GLCCI1: variants seen among roughly 807,000 people sequenced by gnomAD.
GLCCI1 encodes glucocorticoid induced 1, also known as glucocorticoid-induced transcript 1 protein.
Under a neutral mutation model 52.2 loss-of-function variants are expected in GLCCI1, and 24 were observed. The ratio of observed to expected loss-of-function variants is 0.46; its 90% CI spans 0.33 to 0.65. GLCCI1 has a LOEUF of 0.65. Ranked by LOEUF, GLCCI1 falls within the 30% of genes least tolerant of loss-of-function variation. The probability of loss-of-function intolerance (pLI) is 0.02; values close to 1 mark genes in which losing one functional copy is unlikely to be tolerated. For missense variants in GLCCI1, 704 were observed against 701.5 expected (o/e 1.00, Z -0.04); for synonymous variants, 310 against 276.5 (o/e 1.12, Z -1.20).
intron 2 of GLCCI1, among the ~76,000 whole-genome samples, chr7:8,017,698 C>T (rs1313655721): frequency 2.0e-5 from 3 of 151,988 alleles, no homozygotes; most frequent in Admixed American, 2.0e-4. Context: ...TAAAAAAAAA[C>T]CTTCCGACTT....
rs190572846 is a variant in GLCCI1 at position 7,983,763 on chromosome 7, G to C, written c.457+13956G>C. ...AGGTTAAAACTAATAGATTATATTT[G>C]TGTTGCCCATTTTGTAAAAATGCCT... On this transcript the variant is annotated intron_variant, in intron 1 of 7. Coordinates refer to ENST00000223145, the MANE Select transcript of GLCCI1 (RefSeq NM_138426.4). Among the ~76,000 whole-genome samples the C allele has an allele frequency of 4.6e-4, 70 of 152,294 alleles. 1 individual carries two copies. Among genetic ancestry groups the C allele is most frequent in the African/African-American group, 1.6e-3 (68 of 41,544 alleles).
intron 1 of GLCCI1, among the ~76,000 whole-genome samples, chr7:7,971,474 G>A (rs899543878): frequency 6.6e-6 from 1 of 152,174 alleles, no homozygotes; most frequent in African/African-American, 2.4e-5. Context: ...TGAGTTTTGG[G>A]ATTTTCTTGT....
At chr7:8,040,009 AAAAAG>A (rs956417493) in intron 3 of GLCCI1, among the ~76,000 whole-genome samples, 2 of 151,586 alleles carry the variant, frequency 1.3e-5, no homozygotes, top group Admixed American at 1.3e-4. Context: ...AAAAAAAAAA[AAAAAG>A]AAGAAGCCCA....
At chr7:8,068,818 T>G (rs927356697) in intron 5 of GLCCI1, among the ~76,000 whole-genome samples, 2 of 152,176 alleles carry the variant, frequency 1.3e-5, no homozygotes, top group Non-Finnish European at 2.9e-5. Context: ...TTTCGGGATG[T>G]TTTTAGAGTC....
chr7:8,002,443 GTA>G (rs1781068387), intron 1 of GLCCI1, among the ~76,000 whole-genome samples: 1 of 152,136 alleles, frequency 6.6e-6, no homozygotes, highest in African/African-American at 2.4e-5. Flanking sequence ...TCTGCCTTCA[GTA>G]TAATACAATT....
intron 1 of GLCCI1, among the ~76,000 whole-genome samples, chr7:7,993,581 C>T (rs934332334): frequency 4.6e-5 from 7 of 152,106 alleles, no homozygotes; most frequent in South Asian, 2.1e-4. Context: ...TTACATTTAC[C>T]CATTAGTGAA....
Position 8,022,589 on chromosome 7 carries a change from C to T in GLCCI1, c.696+20C>T, listed in dbSNP as rs574759339. 23 of 1,493,836 alleles carry T rather than the reference C, an allele frequency of 1.5e-5. No homozygotes were observed. The highest frequency in any genetic ancestry group is 2.6e-5 in the South Asian group (2 of 77,320). 92.5% of individuals were successfully genotyped at this position (1,493,836 alleles called of 1,614,324 possible). On this transcript the variant is annotated intron_variant, in intron 3 of 7. Transcript: ENST00000223145. ...AAAGAGGTAAGTTATTTCTGTTTTC[C>T]GTCTGTAACCTGTTTTGGTCCTAGT...
At chr7:8,013,740 T>C (rs1160233194) in intron 2 of GLCCI1, among the ~76,000 whole-genome samples, 3 of 152,212 alleles carry the variant, frequency 2.0e-5, no homozygotes, top group African/African-American at 7.2e-5. Context: ...AAATATTTTG[T>C]CTTTTTTGGT....
chr7:8,064,610 A>G (rs932821336), intron 5 of GLCCI1, among the ~76,000 whole-genome samples: 1 of 152,174 alleles, frequency 6.6e-6, no homozygotes, highest in Non-Finnish European at 1.5e-5. Flanking sequence ...TATGAATTTT[A>G]AAATAGATTT....
chr7:8,029,638 A>G (rs1451238014), intron 3 of GLCCI1, among the ~76,000 whole-genome samples: 3 of 152,284 alleles, frequency 2.0e-5, no homozygotes, highest in East Asian at 1.9e-4. Context: ...TTGTTTGTAG[A>G]TGATATAATC....
At chr7:8,026,955 C>T (rs1389182701) in intron 3 of GLCCI1, among the ~76,000 whole-genome samples, 1 of 152,190 alleles carries the variant, frequency 6.6e-6, no homozygotes, top group Admixed American at 6.5e-5. Context: ...GAAAAAAACA[C>T]AGTGTTATTG....
rs568566433 is a variant in GLCCI1 at position 8,087,584 on chromosome 7, A to T, written c.*1046A>T. ...AACTGTTACCATTTTATCTAAAGAC[A>T]TATTTATATTTAGTTTCTCCCTTGG... On this transcript the variant is annotated 3_prime_UTR_variant, in exon 8 of 8. Transcript: ENST00000223145. 1 of 152,622 alleles carries T rather than the reference A, an allele frequency of 6.6e-6. No homozygotes were observed. Among genetic ancestry groups the T allele is most frequent in the East Asian group, 1.9e-4 (1 of 5,184 alleles). The allele number at this position is 152,622 out of a possible 1,614,324, so 9.5% of individuals were successfully genotyped here. A position where few individuals can be genotyped will look rare whatever the true frequency, so the allele number is the denominator to read the frequency against.
intron 1 of GLCCI1, among the ~76,000 whole-genome samples, chr7:7,973,556 T>C (rs1045479503): frequency 6.6e-6 from 1 of 152,092 alleles, no homozygotes; most frequent in Non-Finnish European, 1.5e-5. Flanking sequence ...CCAAATCTGA[T>C]AACAAAAACA....
chr7:7,974,571 T>C (rs993726095), intron 1 of GLCCI1, among the ~76,000 whole-genome samples: 1 of 152,152 alleles, frequency 6.6e-6, no homozygotes, highest in African/African-American at 2.4e-5. Flanking sequence ...TCAGACTACA[T>C]GTGAATAAGA....
At chr7:7,974,461 G>A (rs1780422217) in intron 1 of GLCCI1, among the ~76,000 whole-genome samples, 1 of 152,146 alleles carries the variant, frequency 6.6e-6, no homozygotes, top group Admixed American at 6.5e-5. Context: ...GGACTGCCGT[G>A]TACGTTTCTG....
At chr7:7,973,526 A>T (rs1390130984) in intron 1 of GLCCI1, among the ~76,000 whole-genome samples, 1 of 152,080 alleles carries the variant, frequency 6.6e-6, no homozygotes, top group Non-Finnish European at 1.5e-5. Flanking sequence ...GATGGAGAAT[A>T]CAGCTTATTT....
chr7:7,992,392 G>A (rs959240233), intron 1 of GLCCI1, among the ~76,000 whole-genome samples: 7 of 151,874 alleles, frequency 4.6e-5, no homozygotes, highest in Admixed American at 4.6e-4. Context: ...TCCTTTCCAG[G>A]CTTTTGATTG....
In GLCCI1 at chr7:7,969,215, C is replaced by T; in HGVS notation, c.-136C>T. On this transcript the variant is annotated 5_prime_UTR_variant, in exon 1 of 8. Transcript: ENST00000223145. This position sits in a 1 kb window ranked among gnomAD's most constrained non-coding sequence, Gnocchi z 4.9. ...GTTGGGGAGGGGGAGCCCCGAGACT[C>T]CTCCCCCACAGCGATACCCCCGCCC... The T allele has an allele frequency of 1.4e-6, 1 of 702,290 alleles. No homozygotes were observed. Among genetic ancestry groups the T allele is most frequent in the Non-Finnish European group, 1.9e-6 (1 of 537,662 alleles). 43.5% of individuals were successfully genotyped at this position (702,290 alleles called of 1,614,324 possible). A position where few individuals can be genotyped will look rare whatever the true frequency, so the allele number is the denominator to read the frequency against.
At chr7:8,037,176 C>T (rs879487313) in intron 3 of GLCCI1, among the ~76,000 whole-genome samples, 6 of 152,204 alleles carry the variant, frequency 3.9e-5, no homozygotes, top group Non-Finnish European at 8.8e-5. Flanking sequence ...GAAACCCCAA[C>T]AGACTTACAG....
Sources: gnomAD v4.1 joint callset for allele counts (sites outside exome capture counted in the v4.1 genomes callset) on GRCh38, gnomAD v4.1.1 for gene constraint, Gnocchi (gnomAD v3.1) non-coding constraint, MANE v1.5 for transcripts, NCBI Gene and HGNC (gene_info 2026-07-23, HGNC 2026-07-21) for gene names.